The following PPP2R5E variants were observed in gnomAD, a reference collection of about 807,000 sequenced individuals.
PPP2R5E encodes the protein protein phosphatase 2 regulatory subunit B'epsilon.
In PPP2R5E, 4 loss-of-function variants were observed where a neutral mutation model predicts 65.3. The ratio of observed to expected loss-of-function variants is 0.06; its 90% CI spans 0.03 to 0.14. PPP2R5E has a LOEUF of 0.14. PPP2R5E is among the 10% of genes least tolerant of loss of function. The probability of loss-of-function intolerance (pLI) is 1.00; values close to 1 mark genes in which losing one functional copy is unlikely to be tolerated. For missense variants in PPP2R5E, 274 were observed against 556.1 expected (o/e 0.49, Z 5.10); for synonymous variants, 183 against 187.4 (o/e 0.98, Z 0.19).
At chr14:63,445,912 T>A (rs1353236358) in intron 3 of PPP2R5E, among the ~76,000 whole-genome samples, 1 of 152,198 alleles carries the variant, frequency 6.6e-6, no homozygotes, top group African/African-American at 2.4e-5. Flanking sequence ...AATTTCTCTG[T>A]AGCATGTGAT....
At chr14:63,392,181 A>G (rs1287029917) in intron 8 of PPP2R5E, among the ~76,000 whole-genome samples, 156 bp from the exon 9 acceptor site, 1 of 152,262 alleles carries the variant, frequency 6.6e-6, no homozygotes, top group African/African-American at 2.4e-5. Context: ...ATAAAGTAAA[A>G]TAAGAAACTA....
chr14:63,530,024 T>C (rs1187124202), intron 2 of PPP2R5E, among the ~76,000 whole-genome samples: 2 of 152,014 alleles, frequency 1.3e-5, no homozygotes, highest in Non-Finnish European at 2.9e-5. Flanking sequence ...CCAAAAACTC[T>C]TAACTATAGA....
intron 2 of PPP2R5E, among the ~76,000 whole-genome samples, chr14:63,485,423 G>C (rs2139611283): frequency 6.6e-6 from 1 of 151,996 alleles, no homozygotes; most frequent in East Asian, 1.9e-4. Context: ...TTTTTTGGGG[G>C]GTTTTTTTGA....
intron 5 of PPP2R5E, among the ~76,000 whole-genome samples, chr14:63,399,373 T>C (rs1486434146): frequency 3.6e-5 from 4 of 110,728 alleles, no homozygotes; most frequent in Admixed American, 1.0e-4. Context: ...TTTCTTTTTT[T>C]TTTTTTTTTT....
chr14:63,403,958 A>C (rs1285463148), intron 5 of PPP2R5E, among the ~76,000 whole-genome samples: 1 of 152,208 alleles, frequency 6.6e-6, no homozygotes, highest in Non-Finnish European at 1.5e-5. Flanking sequence ...TACAGTAGGA[A>C]GTCAATAGAC....
chr14:63,414,047 A>C (rs1392188603), intron 5 of PPP2R5E, among the ~76,000 whole-genome samples: 3 of 152,194 alleles, frequency 2.0e-5, no homozygotes, highest in Non-Finnish European at 4.4e-5. Context: ...CTTAGGATGT[A>C]GAGAGGCCTC....
At chr14:63,407,706 C>T (rs982071471) in intron 5 of PPP2R5E, among the ~76,000 whole-genome samples, 15 of 152,156 alleles carry the variant, frequency 9.9e-5, no homozygotes, top group African/African-American at 2.4e-4. Flanking sequence ...CCCCAAAATT[C>T]GTGTGATAAA....
At chr14:63,492,609 T>G (rs1283651462) in intron 2 of PPP2R5E, among the ~76,000 whole-genome samples, 1 of 152,154 alleles carries the variant, frequency 6.6e-6, no homozygotes, top group Non-Finnish European at 1.5e-5. Context: ...GGAAATGCAC[T>G]CAGGACAGTC....
intron 11 of PPP2R5E, among the ~76,000 whole-genome samples, chr14:63,386,610 C>G (rs1884682789): frequency 6.6e-6 from 1 of 152,130 alleles, no homozygotes; most frequent in Non-Finnish European, 1.5e-5. Context: ...ACTTGGGAAA[C>G]AGAAGGGTGG....
rs1222987765 is a variant in PPP2R5E at position 63,374,361 on chromosome 14, T to C, written c.*1648A>G. Reference sequence around the variant, plus strand: ...TTAAGAGCAACAATAGTTCATATGTTCATGTTTGCTACTATCACAATTCAA... The same window carrying C: ...TTAAGAGCAACAATAGTTCATATGTCCATGTTTGCTACTATCACAATTCAA... On this transcript the variant is annotated 3_prime_UTR_variant, in exon 14 of 14. Coordinates refer to ENST00000337537, the MANE Select transcript of PPP2R5E (RefSeq NM_006246.5). 6.6e-6 allele frequency: 1 copy of C among 151,898 alleles called. No individual in the cohort carries two copies. Among genetic ancestry groups the C allele is most frequent in the Admixed American group, 6.6e-5 (1 of 15,230 alleles). The allele number at this position is 151,898 out of a possible 1,614,324, so 9.4% of individuals were successfully genotyped here.
intron 2 of PPP2R5E, among the ~76,000 whole-genome samples, chr14:63,471,895 G>C (rs1890154224): frequency 6.6e-6 from 1 of 152,218 alleles, no homozygotes; most frequent in Admixed American, 6.5e-5. Flanking sequence ...CTTTAACATA[G>C]ATTGAGGAAG....
chr14:63,405,106 A>C (rs1293337479), intron 5 of PPP2R5E, among the ~76,000 whole-genome samples: 1 of 152,242 alleles, frequency 6.6e-6, no homozygotes, highest in African/African-American at 2.4e-5. Flanking sequence ...AGTCAGAGCA[A>C]TAAAGCCCTT....
intron 5 of PPP2R5E, among the ~76,000 whole-genome samples, chr14:63,407,630 T>G (rs1886164743): frequency 6.6e-6 from 1 of 152,180 alleles, no homozygotes; most frequent in Non-Finnish European, 1.5e-5. Flanking sequence ...TTCCAGCCAA[T>G]TAACAACAAT....
chr14:63,372,842 A>C lies in PPP2R5E; in HGVS notation c.*3167T>G, dbSNP rs528143984. ...GGTACAAAATAAATTAAACCCTTTC[A>C]TTTAGGCAAACAAGCCCAAGATGAA... is the stretch of plus-strand genomic sequence containing the variant. On this transcript the variant is annotated 3_prime_UTR_variant, in exon 14 of 14. Coordinates refer to ENST00000337537, the MANE Select transcript of PPP2R5E (RefSeq NM_006246.5). 1.3e-5 allele frequency: 2 copies of C among 152,190 alleles called. No individual in the cohort carries two copies. The highest frequency in any genetic ancestry group is 1.5e-5 in the Non-Finnish European group (1 of 68,038). 9.4% of individuals were successfully genotyped at this position (152,190 alleles called of 1,614,324 possible). A position where few individuals can be genotyped will look rare whatever the true frequency, so the allele number is the denominator to read the frequency against.
At chr14:63,430,427 A>G (rs988890082) in intron 3 of PPP2R5E, among the ~76,000 whole-genome samples, 7 of 152,118 alleles carry the variant, frequency 4.6e-5, no homozygotes, top group Admixed American at 1.3e-4. Flanking sequence ...ACATGCATAC[A>G]TACATATTCA....
intron 10 of PPP2R5E, 31 bp downstream of exon 10, chr14:63,391,786 C>G (rs753928859): frequency 6.2e-7 from 1 of 1,602,774 alleles, no homozygotes; most frequent in Admixed American, 1.7e-5. Context: ...ATTCAGTAAG[C>G]TATGAACACT....
chr14:63,516,070 C>T (rs1038045755), intron 2 of PPP2R5E, among the ~76,000 whole-genome samples: 25 of 151,966 alleles, frequency 1.6e-4, no homozygotes, highest in African/African-American at 4.4e-4. Flanking sequence ...AGGATGGTCT[C>T]GATCTCCTGA....
intron 3 of PPP2R5E, among the ~76,000 whole-genome samples, chr14:63,448,125 G>A (rs973398535): frequency 1.3e-5 from 2 of 151,980 alleles, no homozygotes; most frequent in Non-Finnish European, 2.9e-5. Context: ...GTGAAACCCT[G>A]TCTCTACTAA....
At chr14:63,526,649 C>G (rs1047645658) in intron 2 of PPP2R5E, among the ~76,000 whole-genome samples, 11 of 152,100 alleles carry the variant, frequency 7.2e-5, no homozygotes, top group African/African-American at 2.7e-4. Context: ...CTTGACCTCC[C>G]GGAATCAGGT....
Sources: gnomAD v4.1 joint callset for allele counts (sites outside exome capture counted in the v4.1 genomes callset) on GRCh38, gnomAD v4.1.1 for gene constraint, MANE v1.5 for transcripts, NCBI Gene and HGNC (gene_info 2026-07-23, HGNC 2026-07-21) for gene names.